The following RASA1 variants were observed in gnomAD, a reference collection of about 807,000 sequenced individuals.
The protein encoded by RASA1 is RAS p21 protein activator 1.
A neutral mutation model predicts 132.2 loss-of-function variants in RASA1; 25 were observed. The ratio of observed to expected loss-of-function variants is 0.19; its 90% CI spans 0.14 to 0.26. The LOEUF is 0.26. Ranked by LOEUF, RASA1 falls within the 10% of genes least tolerant of loss-of-function variation. The pLI is 1.00. For synonymous variants in RASA1, 477 were observed against 449.9 expected (o/e 1.06, Z -0.76); for missense variants, 964 against 1,299.2 (o/e 0.74, Z 3.97).
intron 1 of RASA1, among the ~76,000 whole-genome samples, chr5:87,271,430 A>G (rs1166070866): frequency 1.3e-5 from 2 of 150,912 alleles, no homozygotes; most frequent in Non-Finnish European, 2.9e-5. Flanking sequence ...TGTAGTTAAA[A>G]AAAACTGTTT....
chr5:87,352,498 TA>T (rs1429022938), intron 8 of RASA1, among the ~76,000 whole-genome samples: 1 of 151,668 alleles, frequency 6.6e-6, no homozygotes, highest in Non-Finnish European at 1.5e-5. Flanking sequence ...ACTTTATATT[TA>T]AAAAAATACG....
Position 87,376,919 on chromosome 5 carries a change from A to C in RASA1, c.2223A>C (p.Leu741Phe). The C allele has an allele frequency of 6.2e-7, 1 of 1,610,524 alleles. No individual in the cohort carries two copies. The highest frequency in any genetic ancestry group is 8.5e-7 in the Non-Finnish European group (1 of 1,176,716). ...AGGAACTTCATGTAGTCTATGCTTT[A>C]TCACATGTATGTGGACAAGACCGAA... ...LQKELHVVYA[L>F]SHVCGQDRTL... The change falls in exon 17 of 25, where the codon TTA (leucine) becomes TTC (phenylalanine). Residue 741 changes from leucine (L) to phenylalanine (F), a missense_variant. This residue lies in a region of RASA1 where 346 missense variants were observed against 520.1 expected (regional missense o/e 0.67). Transcript: ENST00000274376.
intron 1 of RASA1, among the ~76,000 whole-genome samples, chr5:87,285,555 C>G (rs1345292401): frequency 6.8e-6 from 1 of 146,970 alleles, no homozygotes; most frequent in Non-Finnish European, 1.5e-5. Context: ...TAATGCAATT[C>G]TCTTCTTAAC....
chr5:87,301,075 A>G (rs1001033867), intron 1 of RASA1, among the ~76,000 whole-genome samples: 1 of 152,204 alleles, frequency 6.6e-6, no homozygotes, highest in Admixed American at 6.5e-5. Flanking sequence ...CTCTACAAAC[A>G]TTTGGCAGTA....
intron 11 of RASA1, among the ~76,000 whole-genome samples, chr5:87,367,946 G>C (rs1760646213): frequency 6.6e-6 from 1 of 151,444 alleles, no homozygotes; most frequent in African/African-American, 2.4e-5. Flanking sequence ...ATTTTTAGTG[G>C]GAAAACTAAA....
rs1272357294 is a variant in RASA1 at position 87,331,345 on chromosome 5, T to A, written c.540-3T>A. 2 of 1,599,966 alleles carry A rather than the reference T, an allele frequency of 1.3e-6. No homozygotes were observed. Among genetic ancestry groups the A allele is most frequent in the Non-Finnish European group, 1.7e-6 (2 of 1,167,268 alleles). ...TGTAATATCTTCTCTGTTTTTCCCCTAGGTGGTATCACGGAAAACTTGACA... is the reference window on the plus strand; with the variant it reads ...TGTAATATCTTCTCTGTTTTTCCCCAAGGTGGTATCACGGAAAACTTGACA... On this transcript the variant is annotated splice_polypyrimidine_tract_variant and splice_region_variant and intron_variant, in intron 1 of 24. Transcript: ENST00000274376.
At chr5:87,282,942 C>T (rs1250151121) in intron 1 of RASA1, among the ~76,000 whole-genome samples, 1 of 152,066 alleles carries the variant, frequency 6.6e-6, no homozygotes, top group African/African-American at 2.4e-5. Context: ...AGCTAATTAA[C>T]CTGCGTTACC....
intron 1 of RASA1, among the ~76,000 whole-genome samples, chr5:87,330,364 C>T (rs1393912881): frequency 6.6e-6 from 1 of 151,910 alleles, no homozygotes; most frequent in Non-Finnish European, 1.5e-5. Context: ...TACAAATAAA[C>T]TTTGGTAAAG....
intron 1 of RASA1, among the ~76,000 whole-genome samples, chr5:87,330,545 C>A (rs182070425): frequency 1.3e-5 from 2 of 152,178 alleles, no homozygotes; most frequent in Non-Finnish European, 2.9e-5. Context: ...GTTACCATGC[C>A]TGTATGATAC....
intron 12 of RASA1, among the ~76,000 whole-genome samples, chr5:87,371,026 C>T (rs1287872673): frequency 6.6e-6 from 1 of 152,046 alleles, no homozygotes; most frequent in Non-Finnish European, 1.5e-5. Flanking sequence ...ATTTTGGTAA[C>T]TTACATGATT....
At chr5:87,376,043 C>CA (rs1761304623) in intron 15 of RASA1, among the ~76,000 whole-genome samples, 1 of 152,276 alleles carries the variant, frequency 6.6e-6, no homozygotes, top group African/African-American at 2.4e-5. Flanking sequence ...TTCACCTCCA[C>CA]AGGCTGAATT....
intron 1 of RASA1, among the ~76,000 whole-genome samples, chr5:87,285,213 G>C (rs907827803): frequency 1.3e-5 from 2 of 151,600 alleles, no homozygotes; most frequent in African/African-American, 4.8e-5. Context: ...GACTACAGGC[G>C]AGTGCCACCA....
intron 1 of RASA1, among the ~76,000 whole-genome samples, chr5:87,307,836 T>C (rs866837264): frequency 5.3e-5 from 8 of 152,332 alleles, no homozygotes; most frequent in Middle Eastern, 3.4e-3. Flanking sequence ...CGGCGTGCGT[T>C]ACATTTTAAT....
intron 1 of RASA1, among the ~76,000 whole-genome samples, chr5:87,272,050 G>T (rs1253864773): frequency 6.6e-6 from 1 of 151,790 alleles, no homozygotes; most frequent in African/African-American, 2.4e-5. Flanking sequence ...TACTCTGGAG[G>T]TTGAGGCAGA....
intron 1 of RASA1, among the ~76,000 whole-genome samples, chr5:87,323,838 G>C (rs1437961226): frequency 6.6e-6 from 1 of 151,866 alleles, no homozygotes; most frequent in Non-Finnish European, 1.5e-5. Flanking sequence ...TTAGCCATCA[G>C]TTCTTTCAGG....
chr5:87,272,076 G>A (rs1292392019), intron 1 of RASA1, among the ~76,000 whole-genome samples: 3 of 151,926 alleles, frequency 2.0e-5, no homozygotes, highest in East Asian at 3.9e-4. Context: ...TTGAACCAGG[G>A]AGGGGGCGGT....
intron 1 of RASA1, among the ~76,000 whole-genome samples, chr5:87,328,180 C>T (rs1210512181): frequency 6.6e-6 from 1 of 152,036 alleles, no homozygotes; most frequent in Non-Finnish European, 1.5e-5. Context: ...TTATAATTGC[C>T]ACAAATGTGA....
intron 10 of RASA1, 40 bp from the exon 11 acceptor site, chr5:87,363,308 A>G (rs1309657733): frequency 1.3e-6 from 2 of 1,509,470 alleles, no homozygotes; most frequent in Non-Finnish European, 9.2e-7. Flanking sequence ...GGATTTCACA[A>G]TTGTTTGGCT....
At chr5:87,389,979 T>C (rs1318463595) in intron 24 of RASA1, among the ~76,000 whole-genome samples, 2 of 152,206 alleles carry the variant, frequency 1.3e-5, no homozygotes, top group African/African-American at 2.4e-5. Context: ...AAGTGTGGCC[T>C]TGAAAGCTGC....
Sources: allele counts gnomAD v4.1 joint callset (sites outside exome capture counted in the v4.1 genomes callset), GRCh38; gene constraint gnomAD v4.1.1; regional missense constraint gnomAD v4.1.1; transcripts MANE v1.5; gene names NCBI Gene and HGNC (gene_info 2026-07-23, HGNC 2026-07-21).